MANBA: variants seen among roughly 807,000 people sequenced by gnomAD.
The protein encoded by MANBA is beta-mannosidase.
Under a neutral mutation model 111.1 loss-of-function variants are expected in MANBA, and 83 were observed. The observed-to-expected ratio is 0.75, with a 90% CI of 0.63 to 0.90. The LOEUF is 0.90. MANBA is among the 40% of genes least tolerant of loss of function. MANBA has a pLI of 0.00. For synonymous variants in MANBA, 370 were observed against 378.7 expected (o/e 0.98, Z 0.27); for missense variants, 1,036 against 1,069.0 (o/e 0.97, Z 0.43).
intron 1 of MANBA, among the ~76,000 whole-genome samples, chr4:102,738,593 T>G (rs1560807713): frequency 1.3e-5 from 2 of 152,018 alleles, no homozygotes; most frequent in Non-Finnish European, 2.9e-5. Context: ...GACAAAACAA[T>G]CTAAACAGTA....
intron 2 of MANBA, among the ~76,000 whole-genome samples, chr4:102,724,213 A>C (rs1032379384): frequency 3.3e-5 from 5 of 152,192 alleles, no homozygotes; most frequent in Non-Finnish European, 7.3e-5. Flanking sequence ...ACAACTTATA[A>C]TTTCCAAATA....
intron 1 of MANBA, among the ~76,000 whole-genome samples, chr4:102,755,124 A>C (rs1401166687): frequency 2.6e-5 from 4 of 152,194 alleles, no homozygotes; most frequent in Admixed American, 6.5e-5. Context: ...AAACTACTTT[A>C]AAGTTCATAT....
intron 13 of MANBA, among the ~76,000 whole-genome samples, chr4:102,642,076 T>C (rs1729901310): frequency 6.6e-6 from 1 of 151,348 alleles, no homozygotes; most frequent in African/African-American, 2.4e-5. Context: ...ACACCTTTGT[T>C]CATAAAAATG....
intron 7 of MANBA, among the ~76,000 whole-genome samples, chr4:102,687,505 C>T (rs1732270793): frequency 6.6e-6 from 1 of 152,196 alleles, no homozygotes; most frequent in Non-Finnish European, 1.5e-5. Context: ...CAAACTCAAC[C>T]ACAACTGCAT....
intron 1 of MANBA, among the ~76,000 whole-genome samples, chr4:102,756,302 G>T (rs185045461): frequency 0.014 from 2,200 of 152,256 alleles, 52 homozygotes; most frequent in African/African-American, 0.047. Context: ...CCATAAAAAA[G>T]GATGAGTTCA....
Position 102,714,491 on chromosome 4 carries a change from A to G in MANBA, c.620T>C (p.Ile207Thr). 2 of 1,604,226 alleles carry G rather than the reference A, an allele frequency of 1.2e-6. No individual in the cohort carries two copies. Among genetic ancestry groups the G allele is most frequent in the Non-Finnish European group, 1.7e-6 (2 of 1,171,028 alleles). ...PTQGIWKDVR[I>T]EAYNICHLNY... ...CAGGTGACAAATATTATAGGCTTCA[A>G]TTCTAACATCTTTCCAGATTCCCTG... The change falls in exon 5 of 17, where the codon ATT becomes ACT. Residue 207 changes from isoleucine (I) to threonine (T), a missense_variant. Physicochemically the swap from Ile to Thr is moderately conservative, Grantham distance 89. Coordinates refer to ENST00000647097, the MANE Select transcript of MANBA (RefSeq NM_005908.4).
chr4:102,756,001 T>C (rs574903563), intron 1 of MANBA, among the ~76,000 whole-genome samples: 1 of 152,226 alleles, frequency 6.6e-6, no homozygotes, highest in South Asian at 2.1e-4. Flanking sequence ...TGTGGAGAAA[T>C]AGGAACACTT....
intron 1 of MANBA, chr4:102,727,879 A>G: frequency 1.8e-6 from 1 of 552,790 alleles, no homozygotes; most frequent in Non-Finnish European, 3.3e-6. Context: ...CCCCTTGTGA[A>G]GGGGCATTTA....
At chr4:102,704,212 C>T (rs556678966) in intron 5 of MANBA, among the ~76,000 whole-genome samples, 49 of 152,130 alleles carry the variant, frequency 3.2e-4, no homozygotes, top group African/African-American at 9.4e-4. Context: ...ACTCTTTCTC[C>T]GTTGCAATTC....
At chr4:102,640,926 T>G (rs1011405147) in intron 13 of MANBA, among the ~76,000 whole-genome samples, 2 of 152,080 alleles carry the variant, frequency 1.3e-5, no homozygotes, top group Non-Finnish European at 2.9e-5. Flanking sequence ...AATAAGAACC[T>G]GCAGGATATG....
chr4:102,681,792 T>C lies in MANBA; in HGVS notation c.961-7722A>G, dbSNP rs186604582. ...ATACAATTCCAAACTGTTATAAATT[T>C]GCTTTCAAAATGACTGTATGAAGCT... On this transcript the variant is annotated intron_variant, in intron 7 of 16. Transcript: ENST00000647097. Among the ~76,000 whole-genome samples the C allele has an allele frequency of 9.8e-5, 15 of 152,330 alleles. No individual in the cohort carries two copies. The East Asian group carries it at 2.3e-3, about 23-fold the overall frequency.
intron 13 of MANBA, among the ~76,000 whole-genome samples, chr4:102,644,889 A>G (rs1413360984): frequency 6.6e-6 from 1 of 152,036 alleles, no homozygotes; most frequent in Non-Finnish European, 1.5e-5. Context: ...TTTTTAATTT[A>G]TCAATTAAAA....
intron 12 of MANBA, among the ~76,000 whole-genome samples, chr4:102,651,258 TA>T (rs1730321220): frequency 6.6e-6 from 1 of 152,130 alleles, no homozygotes; most frequent in South Asian, 2.1e-4. Flanking sequence ...AATTTTTATA[TA>T]GTTGAAGACA....
intron 5 of MANBA, among the ~76,000 whole-genome samples, chr4:102,706,473 G>A (rs1404802162): frequency 2.6e-5 from 4 of 152,054 alleles, no homozygotes; most frequent in African/African-American, 9.7e-5. Flanking sequence ...CCCTATAAAA[G>A]AGAATTCAAA....
intron 9 of MANBA, among the ~76,000 whole-genome samples, chr4:102,669,441 A>G (rs1731388028): frequency 6.6e-6 from 1 of 152,240 alleles, no homozygotes; most frequent in Admixed American, 6.5e-5. Flanking sequence ...ATCATACTTC[A>G]TTTATAAAGG....
intron 1 of MANBA, among the ~76,000 whole-genome samples, chr4:102,740,350 T>G (rs1277478118): frequency 6.6e-6 from 1 of 152,188 alleles, no homozygotes. Flanking sequence ...AAATCAATAT[T>G]GTGAAAATGA....
intron 5 of MANBA, among the ~76,000 whole-genome samples, chr4:102,699,542 A>C (rs1358309466): frequency 1.3e-5 from 2 of 150,426 alleles, no homozygotes; most frequent in Non-Finnish European, 3.0e-5. Flanking sequence ...ATCAATACCT[A>C]ATTTATTGAG....
At chr4:102,662,558 A>G (rs1731015790) in intron 11 of MANBA, 2 of 152,082 alleles carry the variant, frequency 1.3e-5, no homozygotes, top group East Asian at 1.9e-4. Flanking sequence ...TCTCAAAAAA[A>G]AAAAAAAAAA....
At chr4:102,757,236 G>C (rs941062801) in intron 1 of MANBA, among the ~76,000 whole-genome samples, 1 of 152,128 alleles carries the variant, frequency 6.6e-6, no homozygotes, top group African/African-American at 2.4e-5. Context: ...GACTGAGGCA[G>C]GAGAATCTCT....
Sources: allele counts gnomAD v4.1 joint callset (sites outside exome capture counted in the v4.1 genomes callset), GRCh38; gene constraint gnomAD v4.1.1; transcripts MANE v1.5; gene names NCBI Gene and HGNC (gene_info 2026-07-23, HGNC 2026-07-21).